FBXO4: variants seen among roughly 807,000 people sequenced by gnomAD.
FBXO4 encodes the protein F-box protein 4, also known as F-box only protein 4.
Under a neutral mutation model 43.7 loss-of-function variants are expected in FBXO4, and 36 were observed. The ratio of observed to expected loss-of-function variants is 0.82; its 90% CI spans 0.63 to 1.09. The LOEUF (loss-of-function observed/expected upper bound fraction) is 1.09, where lower values mean the gene tolerates loss of function less well. Ranked by LOEUF, FBXO4 falls within the 50% of genes least tolerant of loss-of-function variation. The pLI, the probability that FBXO4 is intolerant of heterozygous loss-of-function variation, is 0.00. For missense variants in FBXO4, 435 were observed against 474.1 expected (o/e 0.92, Z 0.77); for synonymous variants, 180 against 165.6 (o/e 1.09, Z -0.67).
chr5:41,969,444 G>A, the FBXO4 span, among the ~76,000 whole-genome samples: 112 of 152,136 alleles, frequency 7.4e-4, 1 homozygote, highest in African/African-American at 2.6e-3. Flanking sequence ...TCAATTTTGT[G>A]CTGATAGAAC....
intron 1 of FBXO4, 28 bp from the exon 2 acceptor site, chr5:41,926,985 T>C: frequency 6.9e-7 from 1 of 1,439,240 alleles, no homozygotes; most frequent in South Asian, 1.3e-5. Flanking sequence ...CATTCCTTTT[T>C]CCTACCTGCT....
chr5:41,965,102 G>C, the FBXO4 span, among the ~76,000 whole-genome samples: 1 of 152,110 alleles, frequency 6.6e-6, no homozygotes, highest in African/African-American at 2.4e-5. Flanking sequence ...TTCTACATAT[G>C]GCTAGCCAGT....
chr5:42,039,375 C>T, the FBXO4 span, among the ~76,000 whole-genome samples: 1,670 of 152,118 alleles, frequency 0.011, 76 homozygotes, highest in Admixed American at 0.073. Context: ...AATCGGGCAA[C>T]CTGTTCCCAC....
the FBXO4 span, among the ~76,000 whole-genome samples, chr5:41,958,275 T>C: frequency 6.6e-6 from 1 of 151,848 alleles, no homozygotes; most frequent in Non-Finnish European, 1.5e-5. Context: ...GCTGGGACTA[T>C]AGGCGCCCGC....
chr5:41,949,910 A>G, the FBXO4 span, among the ~76,000 whole-genome samples: 1 of 152,160 alleles, frequency 6.6e-6, no homozygotes, highest in Non-Finnish European at 1.5e-5. Context: ...AAATAATGCC[A>G]CATATCTACA....
the FBXO4 span, among the ~76,000 whole-genome samples, chr5:41,963,009 C>T: frequency 1.3e-5 from 2 of 152,148 alleles, no homozygotes; most frequent in African/African-American, 2.4e-5. Flanking sequence ...TTTTATCCCT[C>T]ATTCTTAGCA....
chr5:42,016,408 G>A, the FBXO4 span, among the ~76,000 whole-genome samples: 4 of 151,382 alleles, frequency 2.6e-5, no homozygotes, highest in Non-Finnish European at 2.9e-5. Context: ...CATGATGATT[G>A]GAACTTCAAT....
chr5:41,942,543 C>T (rs979556558), downstream of FBXO4, among the ~76,000 whole-genome samples: 1 of 151,984 alleles, frequency 6.6e-6, no homozygotes, highest in Admixed American at 6.6e-5. Context: ...GTACCTTATG[C>T]TCTTTTTTTC....
At chr5:41,948,886 T>C in the FBXO4 span, among the ~76,000 whole-genome samples, 2 of 152,094 alleles carry the variant, frequency 1.3e-5, no homozygotes, top group East Asian at 3.9e-4. Context: ...GGCTTCATCC[T>C]GGGGTTGCAA....
chr5:41,957,671 T>C, the FBXO4 span, among the ~76,000 whole-genome samples: 1 of 151,778 alleles, frequency 6.6e-6, no homozygotes, highest in Admixed American at 6.6e-5. Flanking sequence ...CTTTAATATA[T>C]TTATCATATT....
the FBXO4 span, among the ~76,000 whole-genome samples, chr5:41,974,423 G>C: frequency 2.0e-5 from 3 of 151,868 alleles, no homozygotes; most frequent in Non-Finnish European, 4.4e-5. Flanking sequence ...TTATTTGTTT[G>C]GGTTTTTTTG....
the FBXO4 span, among the ~76,000 whole-genome samples, chr5:42,037,067 A>G: frequency 5.3e-5 from 8 of 152,116 alleles, no homozygotes; most frequent in South Asian, 2.1e-4. Flanking sequence ...TTCTTTTAAA[A>G]GGAAAACCTA....
At chr5:42,031,051 A>G in the FBXO4 span, among the ~76,000 whole-genome samples, 4 of 152,158 alleles carry the variant, frequency 2.6e-5, no homozygotes, top group African/African-American at 7.2e-5. Flanking sequence ...TCAGTGTGGC[A>G]ATTCCTCAGG....
At chr5:41,934,913 A>G (rs1751810288) in intron 5 of FBXO4, 1 of 980,892 alleles carries the variant, frequency 1.0e-6, no homozygotes, top group Non-Finnish European at 1.2e-6. Context: ...ATCCTTTGTG[A>G]ACAAGGTAGA....
At chr5:42,015,656 T>A in the FBXO4 span, among the ~76,000 whole-genome samples, 32 of 152,234 alleles carry the variant, frequency 2.1e-4, no homozygotes, top group Admixed American at 1.0e-3. Flanking sequence ...CCTTGACTCT[T>A]TCTTTCTGCT....
At chr5:41,938,779 C>G (rs1751919142) in intron 5 of FBXO4, among the ~76,000 whole-genome samples, 1 of 152,160 alleles carries the variant, frequency 6.6e-6, no homozygotes, top group Non-Finnish European at 1.5e-5. Flanking sequence ...GACTGACCTT[C>G]CTGTTTTCTT....
the FBXO4 span, among the ~76,000 whole-genome samples, chr5:41,976,414 A>C: frequency 6.6e-6 from 1 of 152,240 alleles, no homozygotes. Context: ...AATACAAATC[A>C]AAGAAATCAC....
chr5:42,004,735 TA>T, the FBXO4 span, among the ~76,000 whole-genome samples: 1 of 151,840 alleles, frequency 6.6e-6, no homozygotes, highest in Non-Finnish European at 1.5e-5. Flanking sequence ...GCTACAAGGA[TA>T]AAAAAAACAA....
chr5:41,992,425 C>A, the FBXO4 span, among the ~76,000 whole-genome samples: 1 of 152,226 alleles, frequency 6.6e-6, no homozygotes, highest in East Asian at 1.9e-4. Context: ...TTCATGGACC[C>A]ATACAATTTT....
Sources: gnomAD v4.1 joint callset for allele counts (sites outside exome capture counted in the v4.1 genomes callset) on GRCh38, gnomAD v4.1.1 for gene constraint, MANE v1.5 for transcripts, NCBI Gene and HGNC (gene_info 2026-07-23, HGNC 2026-07-21) for gene names.